Variants in ADGRG1 observed in about 807,000 individuals in gnomAD.
ADGRG1 encodes the protein adhesion G protein-coupled receptor G1.
Under a neutral mutation model 73.5 loss-of-function variants are expected in ADGRG1, and 53 were observed. The observed-to-expected ratio is 0.72, with a 90% CI of 0.58 to 0.91. The LOEUF (loss-of-function observed/expected upper bound fraction) is 0.91, where lower values mean the gene tolerates loss of function less well. ADGRG1 is among the 40% of genes least tolerant of loss of function. The pLI, the probability that ADGRG1 is intolerant of heterozygous loss-of-function variation, is 0.00. For missense variants in ADGRG1, 795 were observed against 871.8 expected (o/e 0.91, Z 1.11); for synonymous variants, 394 against 374.4 (o/e 1.05, Z -0.60).
chr16:57,662,684 T>C (rs1567827707), intron 13 of ADGRG1, among the ~76,000 whole-genome samples: 2 of 151,074 alleles, frequency 1.3e-5, no homozygotes, highest in Admixed American at 1.3e-4. Context: ...CGTGGCCAGA[T>C]GGCGGCGGGT....
chr16:57,629,041 AGTGAGTGT>A (rs2036932761), intron 1 of ADGRG1: 2 of 360,818 alleles, frequency 5.5e-6, no homozygotes, highest in African/African-American at 3.4e-5. Context: ...TGAGAGTGTG[AGTGAGTGT>A]GTGTGAGTAT....
Position 57,630,557 on chromosome 16 carries a change from C to A in ADGRG1, c.-36+1755C>A, listed in dbSNP as rs75748498. 6.1e-6 allele frequency: 6 copies of A among 982,394 alleles called. No individual in the cohort carries two copies. The African/African-American group carries it at 8.7e-5, about 14-fold the overall frequency. The allele number at this position is 982,394 out of a possible 1,614,324, so 60.9% of individuals were successfully genotyped here. A position where few individuals can be genotyped will look rare whatever the true frequency, so the allele number is the denominator to read the frequency against. On this transcript the variant is annotated intron_variant, in intron 1 of 13. Coordinates refer to ENST00000562631, the MANE Select transcript of ADGRG1 (RefSeq NM_201525.4). ...GAGAGTGTCGGGTGATGGAGAACGC[C>A]GCTCCAGGTGTGATCTGTGACGGAC...
In ADGRG1 at chr16:57,648,701, G is replaced by A. The variant is rs763700854; in HGVS notation, c.-35-1552G>A. ...CACGTGTGTTCTCCGGCTTGTGGCCGATGACTGCCTCTGTCACTGTGGCCA... is the reference window on the plus strand; with the variant it reads ...CACGTGTGTTCTCCGGCTTGTGGCCAATGACTGCCTCTGTCACTGTGGCCA... On this transcript the variant is annotated intron_variant, in intron 1 of 13. Coordinates refer to ENST00000562631, the MANE Select transcript of ADGRG1 (RefSeq NM_201525.4). The A allele has an allele frequency of 1.0e-5, 10 of 984,264 alleles. No homozygotes were observed. In the South Asian group the frequency reaches 4.7e-4, roughly 46 times the overall value. 61.0% of individuals were successfully genotyped at this position (984,264 alleles called of 1,614,324 possible).
intron 1 of ADGRG1, chr16:57,632,905 G>A (rs1165800884): frequency 1.0e-6 from 1 of 985,350 alleles, no homozygotes; most frequent in Admixed American, 6.1e-5. Flanking sequence ...GCGGTGAATG[G>A]CTCTGGCTTG....
chr16:57,628,778 C>A lies in ADGRG1; in HGVS notation c.-60C>A, dbSNP rs777463435. ...AAGGTGGTCCAGCCGCCTGGCCCTG[C>A]GTGGGACCCTCCACCTGGCAGCAGG... On this transcript the variant is annotated 5_prime_UTR_variant, in exon 1 of 14. Transcript: ENST00000562631. 3.0e-6 allele frequency: 3 copies of A among 985,432 alleles called. No homozygotes were observed. The African/African-American group carries it at 5.2e-5, about 17-fold the overall frequency. The allele number at this position is 985,432 out of a possible 1,614,324, so 61.0% of individuals were successfully genotyped here.
chr16:57,650,043 G>T (rs183217915), intron 1 of ADGRG1: 4 of 673,742 alleles, frequency 5.9e-6, no homozygotes, highest in Non-Finnish European at 7.3e-6. Context: ...CTCCCAAAGC[G>T]CTGGGATTAC....
chr16:57,630,180 C>T (rs965845546), intron 1 of ADGRG1: 36 of 396,916 alleles, frequency 9.1e-5, no homozygotes, highest in Non-Finnish European at 1.1e-4. Flanking sequence ...GCCCCCTGCC[C>T]CTCCCAGAGG....
intron 1 of ADGRG1, chr16:57,632,325 G>A: frequency 2.0e-6 from 2 of 985,374 alleles, no homozygotes; most frequent in Non-Finnish European, 2.4e-6. Flanking sequence ...GGAGAATCTT[G>A]GCTTTGTTTC....
intron 3 of ADGRG1, chr16:57,652,793 C>A: frequency 9.3e-7 from 1 of 1,074,402 alleles, no homozygotes; most frequent in Non-Finnish European, 1.1e-6. Flanking sequence ...AGGCCGCCCA[C>A]GCTACCTGGG....
At chr16:57,663,327 C>T in intron 13 of ADGRG1, 125 bp from the exon 14 acceptor site, 2 of 1,538,260 alleles carry the variant, frequency 1.3e-6, no homozygotes, top group African/African-American at 2.7e-5. Flanking sequence ...GGGTGCCCGA[C>T]AGCACGTGCT....
At chr16:57,648,714 G>A (rs2148117341) in intron 1 of ADGRG1, 1 of 984,756 alleles carries the variant, frequency 1.0e-6, no homozygotes, top group East Asian at 1.1e-4. Context: ...GACTGCCTCT[G>A]TCACTGTGGC....
At chr16:57,648,209 A>G (rs2043158905) in intron 1 of ADGRG1, among the ~76,000 whole-genome samples, 1 of 152,146 alleles carries the variant, frequency 6.6e-6, no homozygotes, top group African/African-American at 2.4e-5. Context: ...GGGGGACAGC[A>G]ACAGAGACTG....
intron 1 of ADGRG1, chr16:57,642,289 A>T: frequency 5.1e-6 from 5 of 985,198 alleles, no homozygotes; most frequent in Non-Finnish European, 6.0e-6. Context: ...GCCTGAATAT[A>T]CCCCAGGCTC....
intron 1 of ADGRG1, 34 bp downstream of exon 1, chr16:57,628,836 G>A: frequency 1.0e-6 from 1 of 985,710 alleles, no homozygotes; most frequent in Non-Finnish European, 1.2e-6. Flanking sequence ...CAGGTGGGAA[G>A]GGGAATAGTG....
chr16:57,650,449 A>C lies in ADGRG1; in HGVS notation c.64+98A>C, dbSNP rs1207665590. 8 of 1,604,552 alleles carry C rather than the reference A, an allele frequency of 5.0e-6. No homozygotes were observed. The Admixed American group carries it at 1.3e-4, about 27-fold the overall frequency. On this transcript the variant is annotated intron_variant, in intron 2 of 13. Coordinates refer to ENST00000562631, the MANE Select transcript of ADGRG1 (RefSeq NM_201525.4). ...AGCACACATGCTAACTCCTTTAGGC[A>C]GTTACAGCTCGGCTAGTGGAGGGTA...
At chr16:57,632,794 C>T (rs1377994465) in intron 1 of ADGRG1, 48 of 985,276 alleles carry the variant, frequency 4.9e-5, no homozygotes, top group Middle Eastern at 5.2e-4. Flanking sequence ...TTCCGGGCAC[C>T]GGTGGACAGG....
intron 3 of ADGRG1, 94 bp from the exon 4 acceptor site, chr16:57,653,109 T>A: frequency 6.3e-7 from 1 of 1,594,258 alleles, no homozygotes; most frequent in African/African-American, 1.3e-5. Context: ...GATCGAGGCA[T>A]TCAGAGTCAT....
chr16:57,627,928 C>A, upstream of ADGRG1: 1 of 970,154 alleles, frequency 1.0e-6, no homozygotes, highest in Non-Finnish European at 1.2e-6. Flanking sequence ...TTCACCCAGG[C>A]CTCGGTTTCC....
At chr16:57,644,932 C>G (rs966565496) in intron 1 of ADGRG1, 5 of 268,648 alleles carry the variant, frequency 1.9e-5, no homozygotes, top group Admixed American at 6.6e-5. Context: ...CACACACACA[C>G]TCATGCACGG....
Sources: allele counts gnomAD v4.1 joint callset (sites outside exome capture counted in the v4.1 genomes callset), GRCh38; gene constraint gnomAD v4.1.1; transcripts MANE v1.5; gene names NCBI Gene and HGNC (gene_info 2026-07-23, HGNC 2026-07-21).